Variants in DPYD observed in about 807,000 individuals in gnomAD.
DPYD encodes dihydropyrimidine dehydrogenase [NADP(+)].
In DPYD, 109 loss-of-function variants were observed where a neutral mutation model predicts 116.2. The observed-to-expected ratio is 0.94, with a 90% CI of 0.80 to 1.10. The LOEUF (loss-of-function observed/expected upper bound fraction) is 1.10. DPYD is among the 50% of genes least tolerant of loss of function. The probability of loss-of-function intolerance (pLI) is 0.00; values close to 1 mark genes in which losing one functional copy is unlikely to be tolerated. For synonymous variants in DPYD, 440 were observed against 432.0 expected (o/e 1.02, Z -0.23); for missense variants, 1,302 against 1,254.5 (o/e 1.04, Z -0.57).
chr1:97,179,491 A>G (rs1003546229), intron 20 of DPYD, among the ~76,000 whole-genome samples: 5 of 152,138 alleles, frequency 3.3e-5, no homozygotes, highest in Non-Finnish European at 1.5e-5. Flanking sequence ...ATGGTATAAA[A>G]TTGATAAGTA....
chr1:97,078,414 T>G lies in DPYD; in HGVS notation c.*562A>C, dbSNP rs1648931767. On this transcript the variant is annotated 3_prime_UTR_variant, in exon 23 of 23. Coordinates refer to ENST00000370192, the MANE Select transcript of DPYD (RefSeq NM_000110.4). The stretch of plus-strand genomic sequence containing the variant: ...CGAAGGGGATTTTACTTAATAAAGT[T>G]CTACAAACTCAATTTTAGGCTTTCT... 1.1e-5 allele frequency: 2 copies of G among 173,966 alleles called. No individual in the cohort carries two copies. Among genetic ancestry groups the G allele is most frequent in the African/African-American group, 4.8e-5 (2 of 41,568 alleles). The allele number at this position is 173,966 out of a possible 1,614,324, so 10.8% of individuals were successfully genotyped here.
intron 1 of DPYD, among the ~76,000 whole-genome samples, chr1:97,914,459 C>G (rs1571577922): frequency 6.6e-6 from 1 of 152,090 alleles, no homozygotes; most frequent in African/African-American, 2.4e-5. Context: ...ATGTCAAATG[C>G]CTTCTACATT....
chr1:97,516,410 A>C lies in DPYD; in HGVS notation c.1525-469T>G, dbSNP rs183278126. Reference sequence around the variant, plus strand: ...AATAAGTCCCTGTCTTTTCTTCTCTATAGTTTTCAGTATAGCAGCAGGAAT... The same window carrying C: ...AATAAGTCCCTGTCTTTTCTTCTCTCTAGTTTTCAGTATAGCAGCAGGAAT... On this transcript the variant is annotated intron_variant, in intron 12 of 22. Transcript: ENST00000370192. Among the ~76,000 whole-genome samples the C allele has an allele frequency of 1.1e-3, 169 of 152,088 alleles. 1 individual carries two copies. Among genetic ancestry groups the C allele is most frequent in the East Asian group, 5.8e-4 (3 of 5,142 alleles).
chr1:97,722,799 T>TAGCTA (rs1662997951), intron 4 of DPYD, among the ~76,000 whole-genome samples: 1 of 151,566 alleles, frequency 6.6e-6, no homozygotes, highest in African/African-American at 2.4e-5. Flanking sequence ...AAAAGACTTT[T>TAGCTA]ATTTACTCTT....
At chr1:97,486,001 G>A (rs973628140) in intron 13 of DPYD, among the ~76,000 whole-genome samples, 2 of 152,150 alleles carry the variant, frequency 1.3e-5, no homozygotes, top group Non-Finnish European at 2.9e-5. Flanking sequence ...TAAGTATGAA[G>A]TATGATAAAA....
chr1:97,270,135 T>G (rs1032573129), intron 18 of DPYD, among the ~76,000 whole-genome samples: 53 of 152,102 alleles, frequency 3.5e-4, no homozygotes, highest in African/African-American at 1.2e-3. Context: ...AAGCACTCTA[T>G]TTGTTAAAGG....
intron 8 of DPYD, among the ~76,000 whole-genome samples, chr1:97,634,438 A>G (rs1053927511): frequency 1.3e-5 from 2 of 152,140 alleles, no homozygotes; most frequent in Non-Finnish European, 2.9e-5. Context: ...TCAATTTATG[A>G]CACAAAAAGA....
intron 14 of DPYD, among the ~76,000 whole-genome samples, chr1:97,418,788 T>A (rs1674423171): frequency 6.6e-6 from 1 of 152,130 alleles, no homozygotes; most frequent in African/African-American, 2.4e-5. Context: ...TTGAATTGCA[T>A]TGTTAGTTAC....
At chr1:97,175,330 C>A (rs1398592066) in intron 20 of DPYD, among the ~76,000 whole-genome samples, 5 of 152,118 alleles carry the variant, frequency 3.3e-5, no homozygotes, top group African/African-American at 1.2e-4. Flanking sequence ...AGTTCTTGTT[C>A]AGTGCTTTCC....
intron 11 of DPYD, among the ~76,000 whole-genome samples, chr1:97,559,892 G>A (rs1403679352): frequency 6.6e-6 from 1 of 152,172 alleles, no homozygotes; most frequent in Admixed American, 6.5e-5. Context: ...GCATGTAGCT[G>A]GCTCTAGGCT....
intron 5 of DPYD, among the ~76,000 whole-genome samples, chr1:97,706,967 A>G (rs1308661591): frequency 6.6e-6 from 1 of 152,102 alleles, no homozygotes; most frequent in East Asian, 1.9e-4. Context: ...ACCAGGGAAG[A>G]ATAAAGTTCC....
At chr1:97,371,430 C>G (rs1046091721) in intron 16 of DPYD, among the ~76,000 whole-genome samples, 3 of 152,144 alleles carry the variant, frequency 2.0e-5, no homozygotes, top group African/African-American at 7.2e-5. Flanking sequence ...AGTCCCCCAC[C>G]ACTGAGTATA....
At chr1:97,748,531 C>G (rs1664688285) in intron 3 of DPYD, among the ~76,000 whole-genome samples, 1 of 151,970 alleles carries the variant, frequency 6.6e-6, no homozygotes, top group South Asian at 2.1e-4. Context: ...ATCACTTGAA[C>G]CTGGGAGGCG....
At chr1:97,672,216 C>G (rs1659908139) in intron 8 of DPYD, among the ~76,000 whole-genome samples, 1 of 152,108 alleles carries the variant, frequency 6.6e-6, no homozygotes, top group Non-Finnish European at 1.5e-5. Context: ...GTCAATATTG[C>G]TGATATTTCT....
At chr1:97,222,495 C>T (rs569389140) in intron 19 of DPYD, among the ~76,000 whole-genome samples, 5 of 152,124 alleles carry the variant, frequency 3.3e-5, no homozygotes, top group African/African-American at 9.6e-5. Flanking sequence ...CACTCAAAGA[C>T]GTAATAAGTT....
intron 15 of DPYD, among the ~76,000 whole-genome samples, chr1:97,377,834 G>A (rs74105139): frequency 0.064 from 9,741 of 152,208 alleles, 402 homozygotes; most frequent in African/African-American, 0.12. Flanking sequence ...CAGCCTAAGC[G>A]GAGCAGAGCC....
chr1:97,360,529 T>G (rs979348187), intron 16 of DPYD, among the ~76,000 whole-genome samples: 1 of 152,080 alleles, frequency 6.6e-6, no homozygotes, highest in African/African-American at 2.4e-5. Flanking sequence ...TCACACTAAT[T>G]CCAAAATTGA....
chr1:97,488,736 T>C (rs1387447061), intron 13 of DPYD, among the ~76,000 whole-genome samples: 3 of 152,208 alleles, frequency 2.0e-5, no homozygotes, highest in Admixed American at 2.0e-4. Context: ...CAGTTTACCA[T>C]TGCCATAGTA....
chr1:97,385,660 T>C (rs745812479), intron 14 of DPYD, among the ~76,000 whole-genome samples: 4 of 151,998 alleles, frequency 2.6e-5, no homozygotes, highest in Non-Finnish European at 5.9e-5. Context: ...AGTCACAGCA[T>C]GTGCACCTCC....
Sources: gnomAD v4.1 joint callset for allele counts (sites outside exome capture counted in the v4.1 genomes callset) on GRCh38, gnomAD v4.1.1 for gene constraint, MANE v1.5 for transcripts, NCBI Gene and HGNC (gene_info 2026-07-23, HGNC 2026-07-21) for gene names.